ZC3HAV1: variants seen among roughly 807,000 people sequenced by gnomAD.
ZC3HAV1 encodes zinc finger CCCH-type containing, antiviral 1, also known as zinc finger CCCH-type antiviral protein 1.
In ZC3HAV1, 41 loss-of-function variants were observed where a neutral mutation model predicts 86.6. That is an observed-to-expected ratio of 0.47 (90% CI 0.37 to 0.61). ZC3HAV1 has a LOEUF of 0.61. ZC3HAV1 is among the 20% of genes least tolerant of loss of function. The probability of loss-of-function intolerance (pLI) is 0.00; values close to 1 mark genes in which losing one functional copy is unlikely to be tolerated. For synonymous variants in ZC3HAV1, 421 were observed against 432.1 expected (o/e 0.97, Z 0.32); for missense variants, 964 against 1,141.1 (o/e 0.84, Z 2.24).
chr7:139,055,497 T>A (rs1816258271), intron 9 of ZC3HAV1, among the ~76,000 whole-genome samples: 1 of 152,218 alleles, frequency 6.6e-6, no homozygotes, highest in African/African-American at 2.4e-5. Flanking sequence ...CTGCAACTAT[T>A]CATAATCGGT....
At position 139,105,032 on chromosome 7, in the gene ZC3HAV1, C is replaced by CAA. The variant is rs34053904; in HGVS notation, c.308+3990_308+3991dup. 3.9e-4 allele frequency among the ~76,000 whole-genome samples: 28 copies of CAA among 72,670 alleles called. 1 individual carries two copies. Among genetic ancestry groups the CAA allele is most frequent in the African/African-American group, 6.3e-4 (12 of 18,992 alleles). The allele number at this position is 72,670 out of a possible 152,430, so 47.7% of individuals were successfully genotyped here. ...TGGGTGACAGAGTGAGACTCTGTCT[C>CAA]AAAAAAAAAAAAAAAAAAAAAGAAA... On this transcript the variant is annotated intron_variant, in intron 1 of 12. Coordinates refer to ENST00000242351, the MANE Select transcript of ZC3HAV1 (RefSeq NM_020119.4).
chr7:139,099,341 T>G (rs1817688495), intron 1 of ZC3HAV1, among the ~76,000 whole-genome samples: 1 of 152,194 alleles, frequency 6.6e-6, no homozygotes, highest in Non-Finnish European at 1.5e-5. Context: ...CAGAAGGAAC[T>G]TCAGGAAGAT....
At chr7:139,100,780 C>T (rs1336579060) in intron 1 of ZC3HAV1, among the ~76,000 whole-genome samples, 1 of 134,248 alleles carries the variant, frequency 7.4e-6, no homozygotes, top group East Asian at 2.1e-4. Context: ...CCACGGTCTC[C>T]CTCTCCCTCT....
chr7:139,102,377 A>C (rs1335151827), intron 1 of ZC3HAV1, among the ~76,000 whole-genome samples: 1 of 152,066 alleles, frequency 6.6e-6, no homozygotes, highest in Non-Finnish European at 1.5e-5. Context: ...AGATTCTCCC[A>C]CCTCGGCCTC....
chr7:139,088,992 C>T (rs1228263238), intron 2 of ZC3HAV1, among the ~76,000 whole-genome samples: 1 of 148,842 alleles, frequency 6.7e-6, no homozygotes, highest in East Asian at 2.0e-4. Context: ...ATCCCTGCTA[C>T]TTGGGAGGCT....
At chr7:139,057,501 G>A (rs1448906127) in intron 9 of ZC3HAV1, among the ~76,000 whole-genome samples, 1 of 148,180 alleles carries the variant, frequency 6.7e-6, no homozygotes, top group African/African-American at 2.5e-5. Flanking sequence ...TGTACTTTAT[G>A]TTTGAAATTT....
At chr7:139,080,327 T>C in intron 3 of ZC3HAV1, 84 bp from the exon 4 acceptor site, 1 of 1,520,326 alleles carries the variant, frequency 6.6e-7, no homozygotes, top group Non-Finnish European at 9.0e-7. Flanking sequence ...TTCCTCCTCT[T>C]CACTTTTGTA....
At position 139,079,837 on chromosome 7, in the gene ZC3HAV1, G is replaced by A; in HGVS notation, c.1104C>T (p.Asp368=). Residue 368 remains aspartate, a synonymous_variant, in exon 4 of 13, where the codon GAC becomes GAT. Coordinates refer to ENST00000242351, the MANE Select transcript of ZC3HAV1 (RefSeq NM_020119.4). ...ACACAGTCTTTCTCCTGGCGCCTTG[G>A]TCATTCGTCCAGGATGTGAGGCTCT... The part of the protein sequence containing the change: ...NWKSLTSWTN[D]QGARRKTVFS... The A allele has an allele frequency of 6.2e-7, 1 of 1,614,148 alleles. No homozygotes were observed. Among genetic ancestry groups the A allele is most frequent in the South Asian group, 1.1e-5 (1 of 91,076 alleles).
At position 139,083,812 on chromosome 7, in the gene ZC3HAV1, T is replaced by C; in HGVS notation, c.665A>G (p.Lys222Arg). 1 of 1,613,614 alleles carries C rather than the reference T, an allele frequency of 6.2e-7. No individual in the cohort carries two copies. Among genetic ancestry groups the C allele is most frequent in the South Asian group, 1.1e-5 (1 of 91,082 alleles). Residue 222 changes from lysine to arginine, a missense_variant, in exon 3 of 13, where the codon AAG (lysine) becomes AGG (arginine). Transcript: ENST00000242351. The part of the protein sequence containing the change: ...VQNIQDICNS[K>R]HMQKNPPGPR... ...CCCTGGGGGATTCTTCTGCATGTGC[T>C]TGCTGTTGCAGATGTCCTGGATGTT...
intron 12 of ZC3HAV1, among the ~76,000 whole-genome samples, chr7:139,051,532 G>A (rs1816122547): frequency 6.6e-6 from 1 of 151,142 alleles, no homozygotes; most frequent in Non-Finnish European, 1.5e-5. Context: ...TCACCCTGCT[G>A]AGTAGATGGG....
At chr7:139,107,895 G>T (rs559184804) in intron 1 of ZC3HAV1, among the ~76,000 whole-genome samples, 2 of 152,366 alleles carry the variant, frequency 1.3e-5, no homozygotes, top group Non-Finnish European at 2.9e-5. Flanking sequence ...CATAGTGACA[G>T]AAAGGGTGGG....
At chr7:139,097,635 C>T (rs1403535492) in intron 1 of ZC3HAV1, among the ~76,000 whole-genome samples, 2 of 150,802 alleles carry the variant, frequency 1.3e-5, no homozygotes, top group East Asian at 2.0e-4. Flanking sequence ...GGGGTTTCAC[C>T]GTGTTAGCCA....
chr7:139,064,710 G>A (rs1424366828), intron 8 of ZC3HAV1, among the ~76,000 whole-genome samples, 169 bp downstream of exon 8: 10 of 152,182 alleles, frequency 6.6e-5, no homozygotes, highest in Non-Finnish European at 1.5e-5. Context: ...CACAGCCAGA[G>A]CTCTAGAACA....
intron 9 of ZC3HAV1, 118 bp from the exon 10 acceptor site, chr7:139,055,413 C>G: frequency 1.4e-6 from 1 of 737,292 alleles, no homozygotes; most frequent in East Asian, 2.9e-5. Context: ...ATATTTATTT[C>G]TGTATTTTTC....
At chr7:139,079,152 CAGGA>C in intron 4 of ZC3HAV1, 1 of 1,536,194 alleles carries the variant, frequency 6.5e-7, no homozygotes, top group East Asian at 2.4e-5. Flanking sequence ...GCAGAGGAAA[CAGGA>C]ACCTGGGTGC....
At chr7:139,097,428 A>ATATATATATATATATTTTTTTTT in intron 1 of ZC3HAV1, among the ~76,000 whole-genome samples, 1 of 48,160 alleles carries the variant, frequency 2.1e-5, no homozygotes, top group African/African-American at 1.1e-4. Flanking sequence ...ATATATATAT[A>ATATATATATATATATTTTTTTTT]TTTTTTTTTT....
Position 139,061,041 on chromosome 7 carries a change from C to G in ZC3HAV1, c.2091G>C (p.Gly697=), listed in dbSNP as rs1281281336. The part of the protein sequence containing the change: ...PQWYVQQMKR[G]PDHQPAKTSS... ...AGCTGCTTCAGAACACTTACTCTGG[C>G]CCTCTCTTCATCTGCTGCACATACC... is the stretch of plus-strand genomic sequence containing the variant. The change falls in exon 9 of 13, where the codon GGG becomes GGC. Residue 697 remains glycine (G), a synonymous_variant. Coordinates refer to ENST00000242351, the MANE Select transcript of ZC3HAV1 (RefSeq NM_020119.4). 6.2e-7 allele frequency: 1 copy of G among 1,613,466 alleles called. No homozygotes were observed. The highest frequency in any genetic ancestry group is 2.2e-5 in the East Asian group (1 of 44,882).
rs1276790463 is a variant in ZC3HAV1, at chr7:139,074,036, A to C, written c.1698-6T>G. Reference sequence around the variant, plus strand: ...TATAACTTCCTACAGAACAGCTGAGAGAGAAAAGTATTAAGTTAACATAAT... The same window carrying C: ...TATAACTTCCTACAGAACAGCTGAGCGAGAAAAGTATTAAGTTAACATAAT... On this transcript the variant is annotated splice_region_variant and splice_polypyrimidine_tract_variant and intron_variant, in intron 6 of 12. Coordinates refer to ENST00000242351, the MANE Select transcript of ZC3HAV1 (RefSeq NM_020119.4). The C allele has an allele frequency of 6.3e-7, 1 of 1,599,870 alleles. No homozygotes were observed.
At chr7:139,064,757 C>G in intron 8 of ZC3HAV1, 122 bp downstream of exon 8, 1 of 1,512,628 alleles carries the variant, frequency 6.6e-7, no homozygotes, top group East Asian at 2.3e-5. Flanking sequence ...CACTCCACCG[C>G]CTTGCTAAAT....
Sources: allele counts gnomAD v4.1 joint callset (sites outside exome capture counted in the v4.1 genomes callset), GRCh38; gene constraint gnomAD v4.1.1; transcripts MANE v1.5; gene names NCBI Gene and HGNC (gene_info 2026-07-23, HGNC 2026-07-21).